RHD: variants seen among roughly 807,000 people sequenced by gnomAD.
RHD encodes the protein Rh blood group D antigen, also known as blood group Rh(D) polypeptide.
A neutral mutation model predicts 45.5 loss-of-function variants in RHD; 16 were observed. That is an observed-to-expected ratio of 0.35 (90% CI 0.24 to 0.53). RHD has a LOEUF of 0.53. Ranked by LOEUF, RHD falls within the 20% of genes least tolerant of loss-of-function variation. The pLI, the probability that RHD is intolerant of heterozygous loss-of-function variation, is 0.92. For missense variants in RHD, 306 were observed against 532.0 expected, an observed-to-expected ratio of 0.58 and a Z score of 4.18; for synonymous variants, 131 against 217.5, an observed-to-expected ratio of 0.60 and a Z score of 3.50.
intron 7 of RHD, chr1:25,307,904 T>C: frequency 9.6e-7 from 1 of 1,046,050 alleles, no homozygotes; most frequent in South Asian, 1.4e-5. Flanking sequence ...TGTCTGCCAC[T>C]GTCTTAATAA....
In RHD at chr1:25,294,037, A is replaced by T. The variant is rs1157356558; in HGVS notation, c.486+3246A>T. Reference sequence around the variant, plus strand: ...ATTAAATTCTGAAAATAATCTTGTGATTAAGAGAAGAAGGCTGTCCACCAA... The same window carrying T: ...ATTAAATTCTGAAAATAATCTTGTGTTTAAGAGAAGAAGGCTGTCCACCAA... On this transcript the variant is annotated intron_variant, in intron 3 of 9. Transcript: ENST00000328664. 18 of 595,398 alleles carry T rather than the reference A, an allele frequency of 3.0e-5. 5 individuals carry two copies. The highest frequency in any genetic ancestry group is 5.1e-5 in the Non-Finnish European group (16 of 313,214). The allele number at this position is 595,398 out of a possible 1,614,324, so 36.9% of individuals were successfully genotyped here.
At position 25,289,374 on chromosome 1, in the gene RHD, T is replaced by C. The variant is rs929099570; in HGVS notation, c.336-1267T>C. ...CATGCCCGGGTAATTTTTGTATTTT[T>C]AGTTGAGACAGAGTTTCACCATGTT... On this transcript the variant is annotated intron_variant, in intron 2 of 9. Transcript: ENST00000328664. 2.4e-5 allele frequency among the ~76,000 whole-genome samples: 3 copies of C among 127,376 alleles called. 1 individual carries two copies. The highest frequency in any genetic ancestry group is 7.9e-5 in the African/African-American group (3 of 37,754). 83.6% of individuals were successfully genotyped at this position (127,376 alleles called of 152,430 possible).
rs1156853582 is a variant in RHD at position 25,281,756 on chromosome 1, A to C, written c.149-2817A>C. Among the ~76,000 whole-genome samples the C allele has an allele frequency of 3.1e-5, 4 of 130,986 alleles. 1 individual carries two copies. Among genetic ancestry groups the C allele is most frequent in the African/African-American group, 1.0e-4 (4 of 38,362 alleles). 85.9% of individuals were successfully genotyped at this position (130,986 alleles called of 152,430 possible). A position where few individuals can be genotyped will look rare whatever the true frequency, so the allele number is the denominator to read the frequency against. On this transcript the variant is annotated intron_variant, in intron 1 of 9. Coordinates refer to ENST00000328664, the MANE Select transcript of RHD (RefSeq NM_016124.6). ...AAGAGTTGAATCCTTCCTAATGCCC[A>C]CTTCTCACCCACGCCCCAAATCCCC...
Position 25,290,848 on chromosome 1 carries a change from G to T in RHD, c.486+57G>T, listed in dbSNP as rs1372176546. On this transcript the variant is annotated intron_variant, in intron 3 of 9. Coordinates refer to ENST00000328664, the MANE Select transcript of RHD (RefSeq NM_016124.6). ...GAGAAAAGGGCCAAAAGCTCCATTT[G>T]GTGGGGTTTCCAGGGTTTTGAAAAA... 5 of 1,352,578 alleles carry T rather than the reference G, an allele frequency of 3.7e-6. 1 individual carries two copies. In the African/African-American group the frequency reaches 7.2e-5, roughly 19 times the overall value. The allele number at this position is 1,352,578 out of a possible 1,614,324, so 83.8% of individuals were successfully genotyped here.
chr1:25,312,919 C>T (rs111366163), intron 7 of RHD, among the ~76,000 whole-genome samples: 1 of 3,610 alleles, frequency 2.8e-4, no homozygotes, highest in South Asian at 0.019. Flanking sequence ...AATCCCATCT[C>T]TAAAAAAAAA....
At position 25,330,346 on chromosome 1, in the gene RHD, A is replaced by G. The variant is rs187340486; in HGVS notation, c.*1422A>G. 464 of 133,038 alleles carry G rather than the reference A, an allele frequency of 3.5e-3. 54 individuals carry two copies. Among genetic ancestry groups the G allele is most frequent in the African/African-American group, 0.011 (437 of 39,038 alleles). 8.2% of individuals were successfully genotyped at this position (133,038 alleles called of 1,614,324 possible). A position where few individuals can be genotyped will look rare whatever the true frequency, so the allele number is the denominator to read the frequency against. On this transcript the variant is annotated 3_prime_UTR_variant, in exon 10 of 10. Transcript: ENST00000328664. The stretch of plus-strand genomic sequence containing the variant: ...CTATATGTATGGTTGTTACTATGGG[A>G]AATCTTGTTTTGCCAATTTTCTTTG...
intron 3 of RHD, among the ~76,000 whole-genome samples, chr1:25,295,504 T>G: frequency 2.1e-5 from 2 of 95,374 alleles, no homozygotes; most frequent in African/African-American, 3.6e-5. Flanking sequence ...AGATAGGAGG[T>G]GGTGGTGGTT....
rs552643324 is a variant in RHD, at chr1:25,291,549, G to C, written c.486+758G>C. ...AAATGAGTTTACAAAAATGTGGTCT[G>C]TGCAAATGTTTAAACACAACAAACC... On this transcript the variant is annotated intron_variant, in intron 3 of 9. Coordinates refer to ENST00000328664, the MANE Select transcript of RHD (RefSeq NM_016124.6). 4.5e-5 allele frequency among the ~76,000 whole-genome samples: 6 copies of C among 132,620 alleles called. 2 individuals are homozygous for C. Among genetic ancestry groups the C allele is most frequent in the Admixed American group, 2.2e-4 (3 of 13,674 alleles). The allele number at this position is 132,620 out of a possible 152,430, so 87.0% of individuals were successfully genotyped here. A position where few individuals can be genotyped will look rare whatever the true frequency, so the allele number is the denominator to read the frequency against.
intron 3 of RHD, among the ~76,000 whole-genome samples, chr1:25,295,835 G>C (rs556184255): frequency 8.8e-6 from 1 of 113,502 alleles, no homozygotes; most frequent in African/African-American, 2.9e-5. Flanking sequence ...AATGGTCTGG[G>C]AGGGAATATG....
rs1412396405 is a variant in RHD at position 25,274,053 on chromosome 1, T to C, written c.148+1358T>C. 4.5e-5 allele frequency among the ~76,000 whole-genome samples: 6 copies of C among 132,830 alleles called. 1 individual carries two copies. Among genetic ancestry groups the C allele is most frequent in the Admixed American group, 1.5e-4 (2 of 13,704 alleles). 87.1% of individuals were successfully genotyped at this position (132,830 alleles called of 152,430 possible). A position where few individuals can be genotyped will look rare whatever the true frequency, so the allele number is the denominator to read the frequency against. ...TCCAATACAATTCAATGCATTCCAT[T>C]CATTCAACCATGTATGACATCCAAT... On this transcript the variant is annotated intron_variant, in intron 1 of 9. Transcript: ENST00000328664.
intron 1 of RHD, among the ~76,000 whole-genome samples, chr1:25,278,511 G>A (rs1174849027): frequency 7.6e-6 from 1 of 131,610 alleles, no homozygotes; most frequent in African/African-American, 2.6e-5. Flanking sequence ...TTTCACCCAG[G>A]GTCATTCATG....
rs1238493745 is a variant in RHD, at chr1:25,315,537, C to T, written c.1074-1463C>T. Among the ~76,000 whole-genome samples, 2 of 118,484 alleles carry T rather than the reference C, an allele frequency of 1.7e-5. 1 individual carries two copies. Among genetic ancestry groups the T allele is most frequent in the Non-Finnish European group, 3.9e-5 (2 of 50,934 alleles). 77.7% of individuals were successfully genotyped at this position (118,484 alleles called of 152,430 possible). A position where few individuals can be genotyped will look rare whatever the true frequency, so the allele number is the denominator to read the frequency against. On this transcript the variant is annotated intron_variant, in intron 7 of 9. Coordinates refer to ENST00000328664, the MANE Select transcript of RHD (RefSeq NM_016124.6). The stretch of plus-strand genomic sequence containing the variant: ...TTTGAGATGGAGTCTCGCTGTGTTG[C>T]CCAGGCTGGAGTGCAGTGGCGTGAT...
chr1:25,287,120 A>T (rs113225898), intron 2 of RHD, among the ~76,000 whole-genome samples: 2,790 of 134,876 alleles, frequency 0.021, 433 homozygotes, highest in African/African-American at 0.066. Flanking sequence ...AAAACAGTCT[A>T]TGAGTTAATT....
chr1:25,305,635 C>G (rs1343487982), intron 6 of RHD, among the ~76,000 whole-genome samples: 2 of 127,356 alleles, frequency 1.6e-5, no homozygotes, highest in Non-Finnish European at 3.7e-5. Context: ...GTGTCTCGCT[C>G]TTTTGCCCAG....
intron 7 of RHD, among the ~76,000 whole-genome samples, chr1:25,315,538 C>A (rs1644394760): frequency 1.7e-5 from 2 of 120,832 alleles, no homozygotes; most frequent in Admixed American, 1.6e-4. Flanking sequence ...GCTGTGTTGC[C>A]CAGGCTGGAG....
chr1:25,315,163 AT>A (rs1459885737), intron 7 of RHD, among the ~76,000 whole-genome samples: 1 of 129,290 alleles, frequency 7.7e-6, no homozygotes, highest in Admixed American at 7.6e-5. Flanking sequence ...TCAAAAAAAA[AT>A]TTTTTTTGCA....
At position 25,319,738 on chromosome 1, in the gene RHD, G is replaced by A. The variant is rs1421892412; in HGVS notation, c.1154-2151G>A. Among the ~76,000 whole-genome samples, 5 of 132,246 alleles carry A rather than the reference G, an allele frequency of 3.8e-5. 1 individual carries two copies. The highest frequency in any genetic ancestry group is 5.4e-5 in the Non-Finnish European group (3 of 55,802). The allele number at this position is 132,246 out of a possible 152,430, so 86.8% of individuals were successfully genotyped here. On this transcript the variant is annotated intron_variant, in intron 8 of 9. Transcript: ENST00000328664. ...AATTGAGCCCTCTATGGGCCTGTCT[G>A]TATTTATTTAAGAAACAATCCTATC... is the stretch of plus-strand genomic sequence containing the variant.
intron 1 of RHD, among the ~76,000 whole-genome samples, chr1:25,274,470 C>G (rs1283511881): frequency 3.0e-5 from 4 of 132,298 alleles, no homozygotes; most frequent in Non-Finnish European, 7.2e-5. Context: ...AACGTAGGTA[C>G]AAAATGTCCT....
At chr1:25,319,860 G>A (rs1398216442) in intron 8 of RHD, among the ~76,000 whole-genome samples, 1 of 132,040 alleles carries the variant, frequency 7.6e-6, no homozygotes, top group Non-Finnish European at 1.8e-5. Flanking sequence ...GCAGAAGTTA[G>A]AAGTGAAAGC....
Sources: allele counts gnomAD v4.1 joint callset (sites outside exome capture counted in the v4.1 genomes callset), GRCh38; gene constraint gnomAD v4.1.1; transcripts MANE v1.5; gene names NCBI Gene and HGNC (gene_info 2026-07-23, HGNC 2026-07-21).